The following AMBP variants were observed in gnomAD, a reference collection of about 807,000 sequenced individuals.
AMBP encodes protein AMBP.
In AMBP, 37 loss-of-function variants were observed where a neutral mutation model predicts 46.3. That is an observed-to-expected ratio of 0.80 (90% confidence interval 0.61 to 1.05). AMBP has a LOEUF of 1.05. AMBP is among the 50% of genes least tolerant of loss of function. The probability of loss-of-function intolerance (pLI) is 0.00; values close to 1 mark genes in which losing one functional copy is unlikely to be tolerated. For synonymous variants in AMBP, 174 were observed against 175.9 expected (o/e 0.99, Z 0.09); for missense variants, 475 against 461.2 (o/e 1.03, Z -0.27).
At chr9:114,061,217 G>A (rs1846633786) in intron 8 of AMBP, 119 bp from the exon 9 acceptor site, 1 of 1,414,124 alleles carries the variant, frequency 7.1e-7, no homozygotes. Flanking sequence ...CTCGTTGACA[G>A]ATGGGGAAAC....
chr9:114,074,928 A>C, intron 3 of AMBP, 32 bp downstream of exon 3: 1 of 1,586,442 alleles, frequency 6.3e-7, no homozygotes, highest in East Asian at 2.2e-5. Context: ...AGCAAAGGAG[A>C]GAATGCATGT....
chr9:114,075,514 A>T (rs1215895174), intron 2 of AMBP, among the ~76,000 whole-genome samples: 1 of 152,226 alleles, frequency 6.6e-6, no homozygotes, highest in African/African-American at 2.4e-5. Flanking sequence ...AGCACTATAT[A>T]CGAATTAGCT....
At chr9:114,062,466 TCTC>T (rs1464646905) in intron 7 of AMBP, among the ~76,000 whole-genome samples, 1 of 152,178 alleles carries the variant, frequency 6.6e-6, no homozygotes, top group Non-Finnish European at 1.5e-5. Context: ...AGTTGACAGT[TCTC>T]AAGCCCAGGA....
intron 1 of AMBP, 123 bp from the exon 2 acceptor site, chr9:114,076,863 T>C: frequency 8.0e-7 from 1 of 1,248,460 alleles, no homozygotes; most frequent in East Asian, 2.5e-5. Context: ...AAATGACTTA[T>C]CCTTTTAAGG....
intron 5 of AMBP, among the ~76,000 whole-genome samples, chr9:114,070,535 C>T (rs1264908827): frequency 6.6e-6 from 1 of 152,220 alleles, no homozygotes; most frequent in East Asian, 1.9e-4. Flanking sequence ...CACGATGGGG[C>T]TGGGCTGAGT....
At chr9:114,060,656 C>T (rs1352180360) in intron 9 of AMBP, among the ~76,000 whole-genome samples, 5 of 152,144 alleles carry the variant, frequency 3.3e-5, no homozygotes, top group African/African-American at 7.2e-5. Flanking sequence ...ACTTGCTCAA[C>T]GTTGCAGGTG....
At chr9:114,069,002 T>G (rs921264729) in intron 6 of AMBP, among the ~76,000 whole-genome samples, 2 of 151,756 alleles carry the variant, frequency 1.3e-5, no homozygotes, top group African/African-American at 4.8e-5. Flanking sequence ...TGTGGGGGGT[T>G]TATAGTTTCG....
chr9:114,060,416 T>C (rs78419635), intron 9 of AMBP, 146 bp from the exon 10 acceptor site: 1 of 897,846 alleles, frequency 1.1e-6, no homozygotes, highest in Admixed American at 3.0e-5. Flanking sequence ...GATTTTTTTT[T>C]CCTCTTCTGG....
intron 1 of AMBP, among the ~76,000 whole-genome samples, chr9:114,077,237 C>T (rs1846823160): frequency 6.6e-6 from 1 of 152,194 alleles, no homozygotes; most frequent in South Asian, 2.1e-4. Flanking sequence ...TGAAGGAGCC[C>T]TCAGGCTCCT....
At chr9:114,062,816 T>G (rs1188296645) in intron 6 of AMBP, 58 bp from the exon 7 acceptor site, 2 of 1,514,712 alleles carry the variant, frequency 1.3e-6, no homozygotes, top group Non-Finnish European at 9.2e-7. Context: ...ATTGCTTTCC[T>G]GTACCCCTGG....
chr9:114,072,880 G>A, intron 5 of AMBP, 45 bp downstream of exon 5: 2 of 1,582,828 alleles, frequency 1.3e-6, no homozygotes, highest in Non-Finnish European at 1.7e-6. Context: ...CGCCCACAAG[G>A]GACGAAGAGG....
chr9:114,063,824 G>A (rs1024238599), intron 6 of AMBP, among the ~76,000 whole-genome samples: 3 of 152,218 alleles, frequency 2.0e-5, no homozygotes, highest in Non-Finnish European at 4.4e-5. Context: ...ACACCATAGA[G>A]ATGATAAAGT....
intron 6 of AMBP, among the ~76,000 whole-genome samples, chr9:114,065,868 C>T (rs1846688355): frequency 6.6e-6 from 1 of 152,128 alleles, no homozygotes; most frequent in South Asian, 2.1e-4. Context: ...ACAGAAACTA[C>T]CCAAACCCAC....
At position 114,065,497 on chromosome 9, in the gene AMBP, T is replaced by A. The variant is rs187764795; in HGVS notation, c.604-2739A>T. 5.3e-5 allele frequency among the ~76,000 whole-genome samples: 8 copies of A among 152,308 alleles called. No individual in the cohort carries two copies. In the East Asian group the frequency reaches 1.4e-3, roughly 26 times the overall value. On this transcript the variant is annotated intron_variant, in intron 6 of 9. Coordinates refer to ENST00000265132, the MANE Select transcript of AMBP (RefSeq NM_001633.4). The stretch of plus-strand genomic sequence containing the variant: ...CCCTACCAACAACTTGATCTTGGAC[T>A]TCTGGCTTCCAGAACTGTGAGACAG...
At chr9:114,074,192 C>T (rs1375424554) in intron 3 of AMBP, 40 bp from the exon 4 acceptor site, 2 of 1,536,180 alleles carry the variant, frequency 1.3e-6, no homozygotes, top group East Asian at 4.5e-5. Flanking sequence ...GATCAGTGGT[C>T]AGTAGACTCT....
intron 4 of AMBP, 52 bp from the exon 5 acceptor site, chr9:114,073,078 G>T: frequency 6.6e-7 from 1 of 1,507,834 alleles, no homozygotes; most frequent in Non-Finnish European, 9.1e-7. Flanking sequence ...GCTTGGAGTG[G>T]AAGGGCCTGA....
rs752977460 is a variant in AMBP, at chr9:114,060,249, A to C, written c.1049T>G (p.Phe350Cys). 1.2e-6 allele frequency: 2 copies of C among 1,613,234 alleles called. No homozygotes were observed. The highest frequency in any genetic ancestry group is 2.2e-5 in the South Asian group (2 of 90,694). ...PGDGDEELLR[F>C]SN ...CAGACCGGCCAGTTGTCAGTTGGAG[A>C]AGCGCAGCAGCTCCTCATCACCTGT... Residue 350 changes from phenylalanine (F) to cysteine (C), a missense_variant, in exon 10 of 10, where the codon TTC becomes TGC. Physicochemically the swap from Phe to Cys is radical, Grantham distance 205. Coordinates refer to ENST00000265132, the MANE Select transcript of AMBP (RefSeq NM_001633.4).
At chr9:114,063,456 G>A (rs1360525180) in intron 6 of AMBP, among the ~76,000 whole-genome samples, 1 of 152,170 alleles carries the variant, frequency 6.6e-6, no homozygotes, top group African/African-American at 2.4e-5. Context: ...AAACTGTCAG[G>A]GACTTTCACT....
At chr9:114,068,873 T>C (rs1393072351) in intron 6 of AMBP, among the ~76,000 whole-genome samples, 2 of 151,494 alleles carry the variant, frequency 1.3e-5, no homozygotes, top group Non-Finnish European at 2.9e-5. Flanking sequence ...CCTCTAATTC[T>C]TTATAATGAC....
Sources: allele counts gnomAD v4.1 joint callset (sites outside exome capture counted in the v4.1 genomes callset), GRCh38; gene constraint gnomAD v4.1.1; transcripts MANE v1.5; gene names NCBI Gene and HGNC (gene_info 2026-07-23, HGNC 2026-07-21).